The following GLIS3 variants were observed in gnomAD, a reference collection of about 807,000 sequenced individuals.
GLIS3 encodes the protein zinc finger protein GLIS3.
A neutral mutation model predicts 78.6 loss-of-function variants in GLIS3; 53 were observed. The observed-to-expected ratio is 0.67, with a 90% CI of 0.54 to 0.85. The LOEUF is 0.85. GLIS3 is among the 40% of genes least tolerant of loss of function. GLIS3 has a pLI of 0.00. For missense variants in GLIS3, 1,703 were observed against 1,231.1 expected, an observed-to-expected ratio of 1.38 and a Z score of -5.74; for synonymous variants, 684 against 509.9, an observed-to-expected ratio of 1.34 and a Z score of -4.60.
chr9:4,193,085 T>C (rs1378227653), intron 2 of GLIS3, among the ~76,000 whole-genome samples: 2 of 152,234 alleles, frequency 1.3e-5, no homozygotes, highest in Non-Finnish European at 2.9e-5. Context: ...CTTTGATGGG[T>C]TTAAGCATTC....
chr9:3,994,866 CCTACA>C (rs1820616845), intron 4 of GLIS3, among the ~76,000 whole-genome samples: 1 of 152,010 alleles, frequency 6.6e-6, no homozygotes, highest in African/African-American at 2.4e-5. Flanking sequence ...GCATGGCTGC[CCTACA>C]GATAAAGTGA....
In GLIS3 at chr9:4,173,088, C is replaced by T. The variant is rs79793568; in HGVS notation, c.389-47147G>A. Among the ~76,000 whole-genome samples the T allele has an allele frequency of 4.0e-3, 604 of 152,234 alleles. 6 individuals carry two copies. The highest frequency in any genetic ancestry group is 0.014 in the African/African-American group (582 of 41,522). On this transcript the variant is annotated intron_variant, in intron 2 of 10. Transcript: ENST00000381971. The stretch of plus-strand genomic sequence containing the variant: ...CATTCCACCCGTGGAGTTGGAACCT[C>T]GCCTCTAAATCTTTCTACGTATCAA...
At chr9:4,447,200 A>G in the GLIS3 span, among the ~76,000 whole-genome samples, 66,925 of 151,774 alleles carry the variant, frequency 0.44, 15,415 homozygotes, top group African/African-American at 0.58. Context: ...GGCATGTGCC[A>G]CCATGCCTGG....
chr9:4,101,859 A>G (rs1050247938), intron 4 of GLIS3, among the ~76,000 whole-genome samples: 4 of 152,158 alleles, frequency 2.6e-5, no homozygotes, highest in Non-Finnish European at 2.9e-5. Flanking sequence ...CACCCTTTCC[A>G]CAACTTATTC....
intron 2 of GLIS3, among the ~76,000 whole-genome samples, chr9:4,317,772 C>T (rs1023110): frequency 1 from 152,236 of 152,346 alleles, 76,063 homozygotes; most frequent in Middle Eastern, 1. Flanking sequence ...AATTTATTTA[C>T]TGTTCATTTT....
chr9:4,191,261 C>A (rs1190316209), intron 2 of GLIS3, among the ~76,000 whole-genome samples: 1 of 151,950 alleles, frequency 6.6e-6, no homozygotes, highest in Non-Finnish European at 1.5e-5. Context: ...GAGTCAAGAC[C>A]CATCAGTGTG....
intron 7 of GLIS3, among the ~76,000 whole-genome samples, chr9:3,896,134 T>G (rs1822812758): frequency 6.6e-6 from 1 of 152,200 alleles, no homozygotes; most frequent in African/African-American, 2.4e-5. Context: ...TTTTTCATGG[T>G]TTGGCTTCTT....
At chr9:3,897,821 C>A (rs1226373425) in intron 7 of GLIS3, among the ~76,000 whole-genome samples, 2 of 152,178 alleles carry the variant, frequency 1.3e-5, no homozygotes, top group Non-Finnish European at 2.9e-5. Context: ...CTTATTCATA[C>A]TTTTCGAAAG....
At chr9:4,063,096 A>C (rs1826795075) in intron 4 of GLIS3, among the ~76,000 whole-genome samples, 1 of 152,146 alleles carries the variant, frequency 6.6e-6, no homozygotes, top group South Asian at 2.1e-4. Flanking sequence ...CTGCAAAAAA[A>C]AACAATGCAC....
chr9:3,949,268 G>A (rs910768637), intron 4 of GLIS3, among the ~76,000 whole-genome samples: 8 of 152,118 alleles, frequency 5.3e-5, no homozygotes, highest in Non-Finnish European at 5.9e-5. Context: ...ATCAAAATCT[G>A]AGCACAGCGT....
chr9:4,118,004 C>T lies in GLIS3; in HGVS notation c.1474G>A (p.Glu492Lys), dbSNP rs1420460180. 6.2e-7 allele frequency: 1 copy of T among 1,608,894 alleles called. No homozygotes were observed. The highest frequency in any genetic ancestry group is 1.7e-5 in the Admixed American group (1 of 59,966). Residue 492 changes from glutamate to lysine, a missense_variant, in exon 4 of 11, where the codon GAG becomes AAG. Physicochemically the swap from Glu to Lys is moderately conservative, Grantham distance 56. Transcript: ENST00000381971. This position sits in a 1 kb window ranked among gnomAD's most constrained non-coding sequence, Gnocchi z 4.7. ...LPQATLDDDG[E>K]MDGIGGKHCC... ...TGCTTGCCCCCGATGCCGTCCATCT[C>T]CCCGTCGTCGTCCAGGGTGGCCTGG... is the stretch of plus-strand genomic sequence containing the variant.
chr9:4,015,467 G>C (rs779073511), intron 4 of GLIS3, among the ~76,000 whole-genome samples: 1 of 152,202 alleles, frequency 6.6e-6, no homozygotes, highest in Non-Finnish European at 1.5e-5. Flanking sequence ...GTCTACCCTA[G>C]AAATATTATA....
At chr9:4,450,951 A>G in the GLIS3 span, among the ~76,000 whole-genome samples, 8 of 152,228 alleles carry the variant, frequency 5.3e-5, no homozygotes, top group African/African-American at 1.7e-4. Flanking sequence ...CTAACGGGTA[A>G]AATAACCAGC....
Position 3,857,663 on chromosome 9 carries a change from T to G in GLIS3, c.2298-1479A>C, listed in dbSNP as rs547508430. On this transcript the variant is annotated intron_variant, in intron 8 of 10. Coordinates refer to ENST00000381971, the MANE Select transcript of GLIS3 (RefSeq NM_001042413.2). ...TGGGATGCCTGTTTAATTGATCATT[T>G]ACATCTTCATTCTGCTGAAAGAGAA... Among the ~76,000 whole-genome samples the G allele has an allele frequency of 1.2e-4, 18 of 152,372 alleles. No individual in the cohort carries two copies. In the South Asian group the frequency reaches 3.7e-3, roughly 32 times the overall value.
chr9:3,863,313 C>T (rs925561388), intron 8 of GLIS3, among the ~76,000 whole-genome samples: 1 of 152,332 alleles, frequency 6.6e-6, no homozygotes, highest in East Asian at 1.9e-4. Context: ...CCAAATGAAT[C>T]ACAGCACGTT....
the GLIS3 span, among the ~76,000 whole-genome samples, chr9:4,445,576 G>C: frequency 2.6e-5 from 4 of 152,200 alleles, no homozygotes; most frequent in African/African-American, 7.2e-5. Context: ...CAAGCTTACA[G>C]TGAGCTATGA....
chr9:4,112,488 C>G (rs1052110114), intron 4 of GLIS3, among the ~76,000 whole-genome samples: 9 of 152,122 alleles, frequency 5.9e-5, no homozygotes, highest in African/African-American at 1.4e-4. Flanking sequence ...TGTTCTCAAC[C>G]TTGACTGCTC....
chr9:3,870,947 C>T (rs1195576805), intron 8 of GLIS3, among the ~76,000 whole-genome samples: 1 of 152,208 alleles, frequency 6.6e-6, no homozygotes. Context: ...AGGTCTCTTC[C>T]ACATATGAGC....
At chr9:4,144,132 C>G (rs942665682) in intron 2 of GLIS3, among the ~76,000 whole-genome samples, 3 of 152,114 alleles carry the variant, frequency 2.0e-5, no homozygotes, top group African/African-American at 4.8e-5. Context: ...GAACAAAGAT[C>G]GAGAAACCTT....
Sources: allele counts gnomAD v4.1 joint callset (sites outside exome capture counted in the v4.1 genomes callset), GRCh38; gene constraint gnomAD v4.1.1; non-coding constraint Gnocchi (gnomAD v3.1); transcripts MANE v1.5; gene names NCBI Gene and HGNC (gene_info 2026-07-23, HGNC 2026-07-21).